PALLD: variants seen among roughly 807,000 people sequenced by gnomAD.
PALLD encodes the protein palladin, cytoskeletal associated protein.
In PALLD, 61 loss-of-function variants were observed where a neutral mutation model predicts 123.5. That is an observed-to-expected ratio of 0.49 (90% CI 0.40 to 0.61). PALLD has a LOEUF of 0.61. Ranked by LOEUF, PALLD falls within the 20% of genes least tolerant of loss-of-function variation. PALLD has a pLI of 0.00. For synonymous variants in PALLD, 465 were observed against 496.4 expected (o/e 0.94, Z 0.84); for missense variants, 1,273 against 1,377.0 (o/e 0.92, Z 1.20).
At chr4:168,596,416 G>T (rs1038360046) in intron 2 of PALLD, among the ~76,000 whole-genome samples, 1 of 152,102 alleles carries the variant, frequency 6.6e-6, no homozygotes, top group Admixed American at 6.6e-5. Context: ...AGGTGAGCAG[G>T]TCTGTTGTCC....
chr4:168,794,037 G>A (rs969086226), intron 10 of PALLD, among the ~76,000 whole-genome samples: 2 of 152,144 alleles, frequency 1.3e-5, no homozygotes, highest in African/African-American at 4.8e-5. Flanking sequence ...TCTAGGGGCT[G>A]TTTCTCCTCT....
chr4:168,837,330 A>T (rs55761810), intron 10 of PALLD, among the ~76,000 whole-genome samples: 51,614 of 152,130 alleles, frequency 0.34, 9,482 homozygotes, highest in South Asian at 0.5. Flanking sequence ...TTAGTAACCT[A>T]GACCTAGACA....
chr4:168,747,123 A>T (rs1730429189), intron 10 of PALLD, among the ~76,000 whole-genome samples: 1 of 152,250 alleles, frequency 6.6e-6, no homozygotes, highest in African/African-American at 2.4e-5. Flanking sequence ...AAGGGTACAC[A>T]ATAGGTACCT....
chr4:168,519,490 T>G (rs1432813890), intron 2 of PALLD, among the ~76,000 whole-genome samples: 1 of 149,426 alleles, frequency 6.7e-6, no homozygotes, highest in African/African-American at 2.5e-5. Flanking sequence ...CAGGGTTGTT[T>G]TAGTTATATT....
At chr4:168,617,661 A>T (rs1297897169) in intron 2 of PALLD, among the ~76,000 whole-genome samples, 1 of 152,188 alleles carries the variant, frequency 6.6e-6, no homozygotes, top group Admixed American at 6.6e-5. Flanking sequence ...GCATTTCAGT[A>T]AATTGCCCAA....
chr4:168,803,357 G>C (rs1441910822), intron 10 of PALLD, among the ~76,000 whole-genome samples: 1 of 152,116 alleles, frequency 6.6e-6, no homozygotes, highest in Non-Finnish European at 1.5e-5. Flanking sequence ...TCACTATCAT[G>C]AGAACAGCAA....
intron 10 of PALLD, among the ~76,000 whole-genome samples, chr4:168,856,544 G>A (rs1414228086): frequency 6.6e-6 from 1 of 152,170 alleles, no homozygotes; most frequent in African/African-American, 2.4e-5. Context: ...CATTCTGACT[G>A]GTGTGAGATG....
intron 2 of PALLD, among the ~76,000 whole-genome samples, chr4:168,531,490 G>GA (rs1236618262): frequency 6.6e-6 from 1 of 152,158 alleles, no homozygotes; most frequent in Non-Finnish European, 1.5e-5. Context: ...GAACAAAGCT[G>GA]AAAAATCGGC....
intron 6 of PALLD, among the ~76,000 whole-genome samples, chr4:168,686,070 T>G (rs761172560): frequency 1.9e-4 from 29 of 152,096 alleles, no homozygotes; most frequent in Non-Finnish European, 4.1e-4. Flanking sequence ...TAAAAGACAT[T>G]TTAAAAGGCC....
At chr4:168,892,320 A>C (rs919013746) in intron 11 of PALLD, among the ~76,000 whole-genome samples, 2 of 152,170 alleles carry the variant, frequency 1.3e-5, no homozygotes, top group Non-Finnish European at 2.9e-5. Context: ...ATCTTTTTGT[A>C]TAAAATCTCC....
chr4:168,540,806 G>GAA (rs137855493), intron 2 of PALLD, among the ~76,000 whole-genome samples: 4 of 143,426 alleles, frequency 2.8e-5, no homozygotes, highest in Non-Finnish European at 6.1e-5. Context: ...CAGGTGGGAA[G>GAA]AAAAAAAAAA....
chr4:168,733,189 C>T (rs1054857070), intron 10 of PALLD, among the ~76,000 whole-genome samples: 1 of 152,150 alleles, frequency 6.6e-6, no homozygotes. Context: ...CATTAAAATT[C>T]TCTTCTTTTA....
chr4:168,757,971 T>G (rs1209594219), intron 10 of PALLD, among the ~76,000 whole-genome samples: 1 of 152,170 alleles, frequency 6.6e-6, no homozygotes, highest in African/African-American at 2.4e-5. Context: ...TCTGGGAGGC[T>G]GAGGCAGGAG....
At chr4:168,830,006 C>T (rs1242598078) in intron 10 of PALLD, among the ~76,000 whole-genome samples, 7 of 152,026 alleles carry the variant, frequency 4.6e-5, no homozygotes, top group African/African-American at 7.2e-5. Context: ...CCAAGGCAGG[C>T]GGATCACTTG....
At chr4:168,717,374 G>A (rs1297242709) in intron 10 of PALLD, among the ~76,000 whole-genome samples, 1 of 151,318 alleles carries the variant, frequency 6.6e-6, no homozygotes, top group Non-Finnish European at 1.5e-5. Context: ...ATGAAGTTTT[G>A]CTTTGTCACC....
rs748729107 is a variant in PALLD, at chr4:168,878,220, T to TGCCGCCGCC, written c.1965-12701_1965-12693dup. The TGCCGCCGCC allele has an allele frequency of 7.6e-5, 104 of 1,374,922 alleles. No individual in the cohort carries two copies. The highest frequency in any genetic ancestry group is 5.6e-4 in the South Asian group (45 of 79,884). The allele number at this position is 1,374,922 out of a possible 1,614,324, so 85.2% of individuals were successfully genotyped here. A position where few individuals can be genotyped will look rare whatever the true frequency, so the allele number is the denominator to read the frequency against. On this transcript the variant is annotated intron_variant, in intron 10 of 21. Coordinates refer to ENST00000505667, the MANE Select transcript of PALLD (RefSeq NM_001166108.2). ...TTCCCGGTGCCCGACGTGTTCCCAC[T>TGCCGCCGCC]GCCGCCGCCACCACCGCCGCTCCCG...
intron 2 of PALLD, among the ~76,000 whole-genome samples, chr4:168,613,857 G>C (rs771530898): frequency 2.6e-5 from 4 of 152,128 alleles, no homozygotes; most frequent in Non-Finnish European, 5.9e-5. Context: ...ACATGGTAGT[G>C]GTGCCACATA....
intron 10 of PALLD, among the ~76,000 whole-genome samples, chr4:168,883,080 C>A (rs199997906): frequency 3.4e-5 from 3 of 87,370 alleles, no homozygotes; most frequent in Non-Finnish European, 5.3e-5. Flanking sequence ...CAGAGCAAAA[C>A]TCTGTCTCAA....
rs952901801 is a variant in PALLD, at chr4:168,741,578, G to A, written c.1964+29655G>A. Among the ~76,000 whole-genome samples, 3 of 152,068 alleles carry A rather than the reference G, an allele frequency of 2.0e-5. 1 individual carries two copies. The highest frequency in any genetic ancestry group is 1.9e-4 in the East Asian group (1 of 5,192). ...CTCATGCCTGTAGTCCCAGCTACTC[G>A]GGACAGTGAGGTGGAGGATCACTTG... On this transcript the variant is annotated intron_variant, in intron 10 of 21. Transcript: ENST00000505667.
Sources: gnomAD v4.1 joint callset for allele counts (sites outside exome capture counted in the v4.1 genomes callset) on GRCh38, gnomAD v4.1.1 for gene constraint, MANE v1.5 for transcripts, NCBI Gene and HGNC (gene_info 2026-07-23, HGNC 2026-07-21) for gene names.